The following CACNA1B variants were observed in gnomAD, a reference collection of about 807,000 sequenced individuals.
CACNA1B encodes voltage-dependent N-type calcium channel subunit alpha-1B.
A neutral mutation model predicts 247.2 loss-of-function variants in CACNA1B; 70 were observed. The observed-to-expected ratio is 0.28, with a 90% CI of 0.23 to 0.35. The LOEUF (loss-of-function observed/expected upper bound fraction) is 0.35, where lower values mean the gene tolerates loss of function less well. Ranked by LOEUF, CACNA1B falls within the 10% of genes least tolerant of loss-of-function variation. CACNA1B has a pLI of 1.00. For missense variants in CACNA1B, 2,367 were observed against 3,197.4 expected, an observed-to-expected ratio of 0.74 and a Z score of 6.26; for synonymous variants, 1,231 against 1,294.4, an observed-to-expected ratio of 0.95 and a Z score of 1.05.
chr9:138,000,153 C>T (rs867739765), intron 15 of CACNA1B, among the ~76,000 whole-genome samples: 44 of 149,158 alleles, frequency 2.9e-4, no homozygotes, highest in Admixed American at 2.3e-3. Context: ...GGCTGGAGTG[C>T]AGTGGTGCGA....
intron 12 of CACNA1B, among the ~76,000 whole-genome samples, chr9:137,982,874 A>G (rs1462937985): frequency 6.6e-6 from 1 of 152,202 alleles, no homozygotes; most frequent in African/African-American, 2.4e-5. Context: ...CTGGTTGTTG[A>G]CAGAACGTTA....
intron 15 of CACNA1B, among the ~76,000 whole-genome samples, chr9:137,994,431 T>G (rs986878444): frequency 2.2e-4 from 34 of 152,236 alleles, no homozygotes; most frequent in Non-Finnish European, 1.2e-4. Context: ...GCCGATGATA[T>G]GATTATTTAT....
At chr9:137,905,782 G>A (rs1957292479) in intron 3 of CACNA1B, among the ~76,000 whole-genome samples, 1 of 152,172 alleles carries the variant, frequency 6.6e-6, no homozygotes, top group South Asian at 2.1e-4. Flanking sequence ...CACAAACATT[G>A]CTACATTTAA....
chr9:137,963,136 A>T (rs1418882418), intron 10 of CACNA1B, among the ~76,000 whole-genome samples: 1 of 152,080 alleles, frequency 6.6e-6, no homozygotes, highest in Non-Finnish European at 1.5e-5. Context: ...ACTATGTAAT[A>T]CCCTTCATCA....
chr9:138,049,586 C>G (rs1698766487), intron 24 of CACNA1B, among the ~76,000 whole-genome samples: 1 of 152,132 alleles, frequency 6.6e-6, no homozygotes, highest in Admixed American at 6.5e-5. Context: ...GGGGTGGGTG[C>G]TATGTGGGGC....
Position 138,054,951 on chromosome 9 carries a change from G to A in CACNA1B, c.3968+945G>A, listed in dbSNP as rs1959439382. Among the ~76,000 whole-genome samples the A allele has an allele frequency of 1.3e-5, 2 of 152,116 alleles. No homozygotes were observed. Among genetic ancestry groups the A allele is most frequent in the South Asian group, 4.1e-4 (2 of 4,820 alleles). ...TAGGTGTTCTTTTCTGGAAGTGTCTGCCTGTGGTCCTGTGTCTGCTGTCTG... is the reference window on the plus strand; with the variant it reads ...TAGGTGTTCTTTTCTGGAAGTGTCTACCTGTGGTCCTGTGTCTGCTGTCTG... On this transcript the variant is annotated intron_variant, in intron 26 of 46. Transcript: ENST00000371372. The surrounding 1 kb of genome is among the most constrained non-coding windows in gnomAD (Gnocchi z 4.6).
At chr9:138,032,744 G>C in intron 20 of CACNA1B, 1 of 451,112 alleles carries the variant, frequency 2.2e-6, no homozygotes, top group Non-Finnish European at 4.4e-6. Context: ...GAAATCCACT[G>C]TCATTCGAAT....
intron 36 of CACNA1B, among the ~76,000 whole-genome samples, chr9:138,082,906 G>A (rs891876448): frequency 6.6e-6 from 1 of 150,766 alleles, no homozygotes; most frequent in Non-Finnish European, 1.5e-5. Flanking sequence ...CTTAGAGAAT[G>A]GAATGAAACA....
intron 31 of CACNA1B, among the ~76,000 whole-genome samples, chr9:138,064,658 G>A (rs1236951430): frequency 6.6e-6 from 1 of 152,220 alleles, no homozygotes; most frequent in Non-Finnish European, 1.5e-5. Flanking sequence ...CACCACTGTG[G>A]ACCTTTGCAG....
At chr9:137,878,284 T>A in intron 1 of CACNA1B, 67 bp downstream of exon 1, 1 of 1,150,642 alleles carries the variant, frequency 8.7e-7, no homozygotes, top group Non-Finnish European at 1.1e-6. Context: ...GCCGGGGCCA[T>A]CTTCCCGGTG....
In CACNA1B at chr9:138,115,676, C is replaced by A; in HGVS notation, c.5774C>A (p.Ala1925Asp). ...KSSTSLSNGGAIQNQESGIKE... is the reference protein window; with the variant it reads ...KSSTSLSNGGDIQNQESGIKE... ...TCCACCTCCCTCAGCAATGGCGGGG[C>A]CATGTGAGTATCCAGATGCAGGACA... Residue 1925 changes from alanine (A) to aspartate (D), a missense_variant, in exon 42 of 47, where the codon GCC (alanine) becomes GAC (aspartate). Ala to Asp is a moderately radical substitution (Grantham distance 126). This residue lies in a region of CACNA1B where 773 missense variants were observed against 779.4 expected (regional missense o/e 0.99). Coordinates refer to ENST00000371372, the MANE Select transcript of CACNA1B (RefSeq NM_000718.4). The A allele has an allele frequency of 6.2e-7, 1 of 1,612,180 alleles. No homozygotes were observed. Among genetic ancestry groups the A allele is most frequent in the South Asian group, 1.1e-5 (1 of 90,760 alleles).
At chr9:137,942,274 A>T (rs1957741631) in intron 6 of CACNA1B, among the ~76,000 whole-genome samples, 1 of 152,242 alleles carries the variant, frequency 6.6e-6, no homozygotes, top group South Asian at 2.1e-4. Context: ...CTACAATGTG[A>T]TACCAGCTTA....
intron 31 of CACNA1B, chr9:138,068,499 C>T (rs887770457): frequency 6.4e-6 from 3 of 466,102 alleles, no homozygotes; most frequent in Non-Finnish European, 1.3e-5. Flanking sequence ...TTGTGTTTCC[C>T]AGTGGCTGCC....
At chr9:137,921,517 C>A (rs969873017) in intron 6 of CACNA1B, among the ~76,000 whole-genome samples, 4 of 146,198 alleles carry the variant, frequency 2.7e-5, no homozygotes, top group Admixed American at 2.7e-4. Flanking sequence ...GTAAAGCGTT[C>A]GGAGAACACC....
In CACNA1B at chr9:137,952,773, G is replaced by A. The variant is rs982909510; in HGVS notation, c.1070+396G>A. On this transcript the variant is annotated intron_variant, in intron 7 of 46. Transcript: ENST00000371372. This position sits in a 1 kb window ranked among gnomAD's most constrained non-coding sequence, Gnocchi z 4.8. ...TTGGGAGGTTGGTCTGGGTGGATGGGAGGTGTGGTCTGTGATGGGAAGTGT... is the reference window on the plus strand; with the variant it reads ...TTGGGAGGTTGGTCTGGGTGGATGGAAGGTGTGGTCTGTGATGGGAAGTGT... Among the ~76,000 whole-genome samples, 6 of 151,510 alleles carry A rather than the reference G, an allele frequency of 4.0e-5. No individual in the cohort carries two copies. Among genetic ancestry groups the A allele is most frequent in the Non-Finnish European group, 8.8e-5 (6 of 67,942 alleles).
chr9:138,026,079 C>G (rs1238562278), intron 20 of CACNA1B, among the ~76,000 whole-genome samples: 5 of 152,108 alleles, frequency 3.3e-5, no homozygotes, highest in Non-Finnish European at 5.9e-5. Context: ...TGCATCCGCA[C>G]ACACAGACGT....
chr9:137,890,243 G>A (rs1469237277), intron 3 of CACNA1B: 1 of 149,824 alleles, frequency 6.7e-6, no homozygotes, highest in African/African-American at 2.4e-5. Flanking sequence ...CCGACCCAAG[G>A]GAGGGTTGGC....
intron 36 of CACNA1B, among the ~76,000 whole-genome samples, chr9:138,088,959 C>CAAAAAAAAAAAAAAA (rs56112600): frequency 3.3e-5 from 2 of 61,426 alleles, no homozygotes; most frequent in East Asian, 7.9e-4. Context: ...AACTCCGTCT[C>CAAAAAAAAAAAAAAA]AAAAAAAAAA....
At chr9:138,000,227 T>C (rs1208629391) in intron 15 of CACNA1B, among the ~76,000 whole-genome samples, 3 of 151,214 alleles carry the variant, frequency 2.0e-5, no homozygotes, top group Non-Finnish European at 4.4e-5. Flanking sequence ...GCCTCCCGAG[T>C]GGCTGGGACT....
Sources: gnomAD v4.1 joint callset for allele counts (sites outside exome capture counted in the v4.1 genomes callset) on GRCh38, gnomAD v4.1.1 for gene constraint, gnomAD v4.1.1 regional missense constraint, Gnocchi (gnomAD v3.1) non-coding constraint, MANE v1.5 for transcripts, NCBI Gene and HGNC (gene_info 2026-07-23, HGNC 2026-07-21) for gene names.